Variants in SNRPG observed in about 807,000 individuals in gnomAD.
SNRPG encodes the protein small nuclear ribonucleoprotein G.
SNRPG carries 3 observed loss-of-function variants against 13.9 expected under a neutral mutation model. That is an observed-to-expected ratio of 0.22 (90% confidence interval 0.10 to 0.56). SNRPG has a LOEUF of 0.56. SNRPG is among the 20% of genes least tolerant of loss of function. The pLI is 0.93. For synonymous variants in SNRPG, 29 were observed against 29.3 expected (o/e 0.99, Z 0.03); for missense variants, 34 against 96.1 (o/e 0.35, Z 2.70).
chr2:70,287,669 T>C (rs192102299), intron 3 of SNRPG: 5 of 416,992 alleles, frequency 1.2e-5, no homozygotes, highest in South Asian at 3.7e-5. Flanking sequence ...TAGGCATTAG[T>C]AGAAATGCAA....
At chr2:70,285,182 A>C (rs894542754) in intron 3 of SNRPG, among the ~76,000 whole-genome samples, 6 of 152,230 alleles carry the variant, frequency 3.9e-5, no homozygotes, top group African/African-American at 1.4e-4. Context: ...AAAAGGTACA[A>C]GTTCTTGACT....
At chr2:70,292,156 CATG>C (rs1282730978) in intron 1 of SNRPG, among the ~76,000 whole-genome samples, 1 of 152,072 alleles carries the variant, frequency 6.6e-6, no homozygotes, top group Non-Finnish European at 1.5e-5. Flanking sequence ...CCGTTTTAGC[CATG>C]ATGATCTCCA....
intron 1 of SNRPG, among the ~76,000 whole-genome samples, chr2:70,291,108 A>G (rs1697084670): frequency 6.6e-6 from 1 of 152,122 alleles, no homozygotes; most frequent in Non-Finnish European, 1.5e-5. Flanking sequence ...CGTATCAAAT[A>G]TAACACACAA....
At chr2:70,283,889 T>C (rs965427163) in intron 3 of SNRPG, among the ~76,000 whole-genome samples, 5 of 152,124 alleles carry the variant, frequency 3.3e-5, no homozygotes, top group African/African-American at 1.2e-4. Flanking sequence ...TAAAACCCTG[T>C]CTCTACAAAA....
At chr2:70,287,286 C>T in intron 3 of SNRPG, 1 of 702,546 alleles carries the variant, frequency 1.4e-6, no homozygotes, top group Non-Finnish European at 2.6e-6. Context: ...GGTCTTTATG[C>T]TTAATAATTT....
intron 1 of SNRPG, among the ~76,000 whole-genome samples, chr2:70,292,492 C>T (rs919208485): frequency 6.6e-6 from 1 of 152,136 alleles, no homozygotes; most frequent in African/African-American, 2.4e-5. Flanking sequence ...AGACTACAGG[C>T]GCACACCACC....
chr2:70,282,723 G>C (rs1278193326), intron 3 of SNRPG, among the ~76,000 whole-genome samples: 1 of 152,092 alleles, frequency 6.6e-6, no homozygotes, highest in East Asian at 1.9e-4. Flanking sequence ...ACAGAACCTA[G>C]AGGCAGAAAG....
At chr2:70,288,289 G>A (rs1696993001) in intron 2 of SNRPG, 97 bp from the exon 3 acceptor site, 1 of 964,276 alleles carries the variant, frequency 1.0e-6, no homozygotes, top group Admixed American at 1.9e-5. Context: ...TATTTGAGAT[G>A]TCTGAAACCC....
rs1427335462 is a variant in SNRPG at position 70,293,667 on chromosome 2, C to A, written c.-18G>T. On this transcript the variant is annotated 5_prime_UTR_variant, in exon 1 of 4. Transcript: ENST00000272348. Reference sequence around the variant, plus strand: ...TTGCTCATGGTGTATACTCCGCGGGCTCACAGATGCCTTGGAACGCAACGC... The same window carrying A: ...TTGCTCATGGTGTATACTCCGCGGGATCACAGATGCCTTGGAACGCAACGC... The A allele has an allele frequency of 6.2e-7, 1 of 1,613,602 alleles. No homozygotes were observed. Among genetic ancestry groups the A allele is most frequent in the African/African-American group, 1.3e-5 (1 of 74,932 alleles).
intron 3 of SNRPG, among the ~76,000 whole-genome samples, chr2:70,286,390 A>AAT (rs1186992872): frequency 4.6e-5 from 7 of 151,284 alleles, no homozygotes; most frequent in Non-Finnish European, 8.8e-5. Context: ...CCAACTTTAG[A>AAT]AAAGTCAAAA....
intron 3 of SNRPG, chr2:70,287,347 T>C: frequency 1.4e-6 from 1 of 702,876 alleles, no homozygotes; most frequent in Non-Finnish European, 2.6e-6. Context: ...AACTTTGGGC[T>C]TACCGCTTTA....
At chr2:70,289,518 A>G (rs1697026043) in intron 1 of SNRPG, 146 bp from the exon 2 acceptor site, 3 of 545,032 alleles carry the variant, frequency 5.5e-6, no homozygotes, top group South Asian at 2.1e-5. Flanking sequence ...GTATTGCTGT[A>G]AAGAGTGAGG....
Position 70,289,382 on chromosome 2 carries a change from GA to G in SNRPG, c.33-11del, listed in dbSNP as rs1035203797. On this transcript the variant is annotated splice_polypyrimidine_tract_variant and intron_variant, in intron 1 of 3. Transcript: ENST00000272348. ...CTTCTTGTCCATAAATCTGAAAAAGGAAAAGGGTAAAGATTATATAACCAAT... is the reference window on the plus strand; with the variant it reads ...CTTCTTGTCCATAAATCTGAAAAAGGAAAGGGTAAAGATTATATAACCAAT... 2.8e-6 allele frequency: 4 copies of G among 1,417,512 alleles called. No homozygotes were observed. Among genetic ancestry groups the G allele is most frequent in the Non-Finnish European group, 2.9e-6 (3 of 1,024,380 alleles). The allele number at this position is 1,417,512 out of a possible 1,614,324, so 87.8% of individuals were successfully genotyped here.
intron 1 of SNRPG, among the ~76,000 whole-genome samples, chr2:70,290,507 TTTCA>T (rs1445157310): frequency 6.6e-6 from 1 of 151,934 alleles, no homozygotes; most frequent in Admixed American, 6.6e-5. Flanking sequence ...AAACATAAAA[TTTCA>T]TTCAATTTTA....
At chr2:70,285,191 C>G (rs558471607) in intron 3 of SNRPG, among the ~76,000 whole-genome samples, 1 of 152,298 alleles carries the variant, frequency 6.6e-6, no homozygotes, top group Admixed American at 6.5e-5. Flanking sequence ...AAGTTCTTGA[C>G]TTAATAAGAA....
chr2:70,292,844 TAGTC>T (rs1451346255), intron 1 of SNRPG: 1 of 349,652 alleles, frequency 2.9e-6, no homozygotes, highest in African/African-American at 2.1e-5. Flanking sequence ...AACAGAAACG[TAGTC>T]AGGAAACACA....
At chr2:70,290,817 C>G in intron 1 of SNRPG, among the ~76,000 whole-genome samples, 1 of 100,484 alleles carries the variant, frequency 1.0e-5, no homozygotes, top group Non-Finnish European at 1.8e-5. Flanking sequence ...GAAAACCCGT[C>G]TCTACTAAAA....
intron 1 of SNRPG, chr2:70,292,922 A>G (rs542706849): frequency 3.5e-6 from 2 of 564,478 alleles, no homozygotes; most frequent in South Asian, 2.3e-5. Flanking sequence ...AGTCCTACCT[A>G]AAGTAAGGCT....
intron 1 of SNRPG, among the ~76,000 whole-genome samples, chr2:70,292,114 AT>A (rs1335731604): frequency 1.3e-5 from 2 of 151,080 alleles, no homozygotes; most frequent in Non-Finnish European, 3.0e-5. Flanking sequence ...AGCCCACGTA[AT>A]TTTTTGTATT....
Sources: gnomAD v4.1 joint callset for allele counts (sites outside exome capture counted in the v4.1 genomes callset) on GRCh38, gnomAD v4.1.1 for gene constraint, MANE v1.5 for transcripts, NCBI Gene and HGNC (gene_info 2026-07-23, HGNC 2026-07-21) for gene names.